The following GSN variants were observed in gnomAD, a reference collection of about 807,000 sequenced individuals.
GSN encodes the protein gelsolin, also known as actin-depolymerizing factor.
GSN carries 56 observed loss-of-function variants against 85.7 expected under a neutral mutation model. The observed-to-expected ratio is 0.65, with a 90% CI of 0.53 to 0.82. The LOEUF (loss-of-function observed/expected upper bound fraction) is 0.82, where lower values mean the gene tolerates loss of function less well. Among genes scored for constraint, GSN ranks in the 40% least tolerant of loss-of-function variants. GSN has a pLI of 0.00. For synonymous variants in GSN, 373 were observed against 399.1 expected, an observed-to-expected ratio of 0.93 and a Z score of 0.78; for missense variants, 857 against 979.8, an observed-to-expected ratio of 0.87 and a Z score of 1.67.
At chr9:121,286,129 C>A (rs1422189980) in intron 2 of GSN, 3 of 1,534,282 alleles carry the variant, frequency 2.0e-6, no homozygotes, top group Admixed American at 3.9e-5. Flanking sequence ...CCACATAGCT[C>A]CCCCCAGCCT....
intron 2 of GSN, chr9:121,286,309 G>T: frequency 1.5e-6 from 1 of 663,234 alleles, no homozygotes; most frequent in African/African-American, 1.8e-5. Context: ...CTGCAGAGAT[G>T]AAACCAGTTC....
intron 2 of GSN, chr9:121,297,842 GGTAA>G (rs1303136211): frequency 1.3e-5 from 2 of 152,162 alleles, no homozygotes; most frequent in East Asian, 3.8e-4. Context: ...TGTGTTTGTT[GGTAA>G]GTAATTCTGT....
upstream of GSN, chr9:121,265,331 G>A (rs780251289): frequency 2.0e-5 from 3 of 152,222 alleles, no homozygotes; most frequent in Non-Finnish European, 4.4e-5. Flanking sequence ...GTCATTTAAC[G>A]AGCCTCATTG....
At chr9:121,249,867 G>A (rs2054780510) in intron 6 of GSN, among the ~76,000 whole-genome samples, 1 of 152,186 alleles carries the variant, frequency 6.6e-6, no homozygotes, top group South Asian at 2.1e-4. Context: ...TGAAAGAAAT[G>A]GAAACTAGGT....
intron 8 of GSN, chr9:121,317,570 G>A (rs1057122836): frequency 2.1e-5 from 7 of 338,088 alleles, no homozygotes; most frequent in Admixed American, 8.2e-5. Flanking sequence ...TAAAATGTTC[G>A]AGTTTGTTTA....
chr9:121,219,828 G>A (rs535158547), intron 4 of GSN, among the ~76,000 whole-genome samples: 3 of 151,648 alleles, frequency 2.0e-5, no homozygotes, highest in African/African-American at 7.3e-5. Context: ...TGCAAACCCG[G>A]TTGCATGACT....
chr9:121,289,777 G>A (rs2058511494), intron 2 of GSN, among the ~76,000 whole-genome samples: 1 of 152,164 alleles, frequency 6.6e-6, no homozygotes, highest in African/African-American at 2.4e-5. Flanking sequence ...AGAGGTGATG[G>A]CACAGGGGAT....
At chr9:121,262,269 G>A (rs2055103158) in intron 6 of GSN, among the ~76,000 whole-genome samples, 1 of 152,178 alleles carries the variant, frequency 6.6e-6, no homozygotes, top group Non-Finnish European at 1.5e-5. Context: ...CTGGGCTTTG[G>A]AGACAGACCT....
chr9:121,251,485 C>T (rs1333134690), intron 6 of GSN, among the ~76,000 whole-genome samples: 1 of 151,884 alleles, frequency 6.6e-6, no homozygotes, highest in Non-Finnish European at 1.5e-5. Context: ...GCGTGAGCTA[C>T]CGTGCCCAGC....
chr9:121,209,126 G>C (rs1378517160), intron 1 of GSN, among the ~76,000 whole-genome samples: 1 of 152,210 alleles, frequency 6.6e-6, no homozygotes, highest in Non-Finnish European at 1.5e-5. Flanking sequence ...TTTTAGGGTT[G>C]GTAGCTGAAG....
intron 2 of GSN, chr9:121,282,515 C>T: frequency 4.8e-6 from 6 of 1,255,924 alleles, no homozygotes; most frequent in Non-Finnish European, 6.0e-6. Flanking sequence ...CATGAGCCAC[C>T]CACAGCCGGA....
At chr9:121,303,429 T>G (rs1031246662) in intron 4 of GSN, among the ~76,000 whole-genome samples, 2 of 152,190 alleles carry the variant, frequency 1.3e-5, no homozygotes, top group Non-Finnish European at 2.9e-5. Context: ...ACCCCTTAAT[T>G]CTTAAGGCCT....
chr9:121,332,715 TG>T lies in GSN; in HGVS notation c.*113del. On this transcript the variant is annotated 3_prime_UTR_variant, in exon 18 of 18. Transcript: ENST00000432226. The surrounding 1 kb of genome is among the most constrained non-coding windows in gnomAD (Gnocchi z 4.8). ...TCTGCTATGAGTGTGTGTGTGTGTG[TG>T]TGTTGTTTCTTTTTTTTTTTTTTAC... 1 of 742,790 alleles carries T rather than the reference TG, an allele frequency of 1.3e-6. No individual in the cohort carries two copies. Among genetic ancestry groups the T allele is most frequent in the Non-Finnish European group, 2.2e-6 (1 of 462,276 alleles). 46.0% of individuals were successfully genotyped at this position (742,790 alleles called of 1,614,324 possible). A position where few individuals can be genotyped will look rare whatever the true frequency, so the allele number is the denominator to read the frequency against.
intron 2 of GSN, 94 bp downstream of exon 2, chr9:121,281,656 G>A (rs757688806): frequency 2.1e-5 from 10 of 471,064 alleles, no homozygotes; most frequent in African/African-American, 4.0e-5. Flanking sequence ...GGAAGCAGCC[G>A]CTGTAGCCAC....
chr9:121,208,889 C>T (rs972409073), intron 1 of GSN, among the ~76,000 whole-genome samples: 3 of 152,238 alleles, frequency 2.0e-5, no homozygotes, highest in Admixed American at 2.0e-4. Flanking sequence ...TGATGTTAAA[C>T]CCTGAGGCCA....
chr9:121,223,217 A>G (rs2054204813), intron 4 of GSN, among the ~76,000 whole-genome samples: 1 of 152,142 alleles, frequency 6.6e-6, no homozygotes, highest in African/African-American at 2.4e-5. Context: ...TCTATTGGGA[A>G]ACTGCCTTTC....
chr9:121,302,338 C>T (rs2059972680), intron 3 of GSN, among the ~76,000 whole-genome samples, 171 bp downstream of exon 3: 1 of 152,190 alleles, frequency 6.6e-6, no homozygotes, highest in South Asian at 2.1e-4. Context: ...AAGTTCACAC[C>T]CCCACTCTGC....
intron 10 of GSN, 42 bp from the exon 11 acceptor site, chr9:121,321,226 G>A (rs367574701): frequency 4.6e-4 from 735 of 1,609,924 alleles, no homozygotes; most frequent in Non-Finnish European, 6.1e-4. Flanking sequence ...GCTGGGGGGT[G>A]GGGGTGCTGC....
At chr9:121,310,433 A>AT (rs1196133925) in intron 4 of GSN, 2 of 509,170 alleles carry the variant, frequency 3.9e-6, no homozygotes, top group Non-Finnish European at 3.6e-6. Context: ...TGGGCAGGGA[A>AT]TCTCTCACTT....
Sources: gnomAD v4.1 joint callset for allele counts (sites outside exome capture counted in the v4.1 genomes callset) on GRCh38, gnomAD v4.1.1 for gene constraint, Gnocchi (gnomAD v3.1) non-coding constraint, MANE v1.5 for transcripts, NCBI Gene and HGNC (gene_info 2026-07-23, HGNC 2026-07-21) for gene names.